Variants in SKIC3 observed in about 807,000 individuals in gnomAD.
SKIC3 encodes SKI3 subunit of superkiller complex, also known as superkiller complex protein 3.
chr5:95,468,779 C>T, the SKIC3 span, among the ~76,000 whole-genome samples: 9 of 151,966 alleles, frequency 5.9e-5, no homozygotes, highest in East Asian at 1.9e-4. Context: ...GTTTTGAAGG[C>T]GATAAAAATT....
the SKIC3 span, chr5:95,494,630 T>C: frequency 3.2e-6 from 5 of 1,560,514 alleles, no homozygotes; most frequent in South Asian, 2.2e-5. Flanking sequence ...TTACAAAATA[T>C]GTATTTAGAA....
the SKIC3 span, chr5:95,509,712 T>G: frequency 6.9e-7 from 1 of 1,443,856 alleles, no homozygotes; most frequent in Non-Finnish European, 9.7e-7. Context: ...ATATCTTCAT[T>G]TTAAATATGC....
chr5:95,536,562 C>T, the SKIC3 span: 1 of 416,638 alleles, frequency 2.4e-6, no homozygotes, highest in East Asian at 4.6e-5. Flanking sequence ...AGACCCCCTC[C>T]AATTTCCACC....
the SKIC3 span, among the ~76,000 whole-genome samples, chr5:95,496,616 T>G: frequency 2.4e-4 from 37 of 152,290 alleles, no homozygotes; most frequent in African/African-American, 8.9e-4. Flanking sequence ...AAGTACAAAT[T>G]ATTTCTGTAG....
At chr5:95,519,442 A>G in the SKIC3 span, among the ~76,000 whole-genome samples, 1 of 152,046 alleles carries the variant, frequency 6.6e-6, no homozygotes, top group Admixed American at 6.6e-5. Flanking sequence ...AATAATATTA[A>G]TTATTGTGGT....
chr5:95,483,494 T>C, the SKIC3 span, among the ~76,000 whole-genome samples: 7 of 152,178 alleles, frequency 4.6e-5, no homozygotes, highest in Non-Finnish European at 1.0e-4. Context: ...ACTTACTGTG[T>C]AATACCCTGT....
At chr5:95,504,790 C>T in the SKIC3 span, among the ~76,000 whole-genome samples, 2 of 152,052 alleles carry the variant, frequency 1.3e-5, no homozygotes, top group African/African-American at 4.8e-5. Context: ...CACTTGAGGT[C>T]AGGAGTTCAA....
chr5:95,491,126 T>TA, the SKIC3 span: 236 of 1,504,794 alleles, frequency 1.6e-4, no homozygotes, highest in South Asian at 2.2e-4. Flanking sequence ...GTTTACAAGT[T>TA]AAAAAAAAAT....
chr5:95,530,132 T>C, the SKIC3 span: 1 of 1,613,662 alleles, frequency 6.2e-7, no homozygotes, highest in Non-Finnish European at 8.5e-7. Context: ...TTTTGTCTTG[T>C]AATGCTTTAA....
chr5:95,503,994 A>T, the SKIC3 span: 1 of 1,586,836 alleles, frequency 6.3e-7, no homozygotes, highest in Non-Finnish European at 8.6e-7. Flanking sequence ...GGTGTGTATC[A>T]TCAAAATACT....
At chr5:95,506,844 T>C in the SKIC3 span, 3 of 1,284,418 alleles carry the variant, frequency 2.3e-6, no homozygotes, top group Non-Finnish European at 3.4e-6. Context: ...ACCAGTATTC[T>C]AGGAACTAGT....
chr5:95,476,601 T>C, the SKIC3 span, among the ~76,000 whole-genome samples: 52 of 152,300 alleles, frequency 3.4e-4, no homozygotes, highest in Admixed American at 7.2e-4. Context: ...CAAAGGCATG[T>C]GTAAACATTC....
At chr5:95,532,385 T>C in the SKIC3 span, among the ~76,000 whole-genome samples, 3 of 152,144 alleles carry the variant, frequency 2.0e-5, no homozygotes, top group Non-Finnish European at 4.4e-5. Context: ...ACTATGTTCA[T>C]GTTCGGCCCT....
chr5:95,545,656 T>C, the SKIC3 span, among the ~76,000 whole-genome samples: 1 of 152,182 alleles, frequency 6.6e-6, no homozygotes, highest in African/African-American at 2.4e-5. Context: ...GCTCACACTG[T>C]CTGTCACCTA....
the SKIC3 span, among the ~76,000 whole-genome samples, chr5:95,484,403 G>A: frequency 7.0e-6 from 1 of 143,406 alleles, no homozygotes; most frequent in African/African-American, 2.6e-5. Context: ...CTGGAGTGTA[G>A]TGGTGTGATC....
the SKIC3 span, among the ~76,000 whole-genome samples, chr5:95,541,080 C>A: frequency 6.6e-6 from 1 of 152,154 alleles, no homozygotes; most frequent in Admixed American, 6.5e-5. Flanking sequence ...AATTCTCCTG[C>A]CTCAGCCTCC....
the SKIC3 span, among the ~76,000 whole-genome samples, chr5:95,542,463 C>A: frequency 6.6e-6 from 1 of 151,950 alleles, no homozygotes; most frequent in Non-Finnish European, 1.5e-5. Context: ...ATTTTAAGAT[C>A]TATGTGACAC....
chr5:95,507,114 T>C, the SKIC3 span: 1 of 1,047,702 alleles, frequency 9.5e-7, no homozygotes. Flanking sequence ...ATTCTACTAA[T>C]TCTTTGGTGC....
chr5:95,525,427 G>A, the SKIC3 span: 1 of 1,613,810 alleles, frequency 6.2e-7, no homozygotes, highest in Non-Finnish European at 8.5e-7. Context: ...AGTCCTTTTT[G>A]GTGAAATGAA....
Sources: allele counts gnomAD v4.1 joint callset (sites outside exome capture counted in the v4.1 genomes callset), GRCh38; gene constraint gnomAD v4.1.1; transcripts MANE v1.5; gene names NCBI Gene and HGNC (gene_info 2026-07-23, HGNC 2026-07-21).